Variants in ITPKB observed in about 807,000 individuals in gnomAD.
ITPKB encodes the protein IP3 3-kinase B.
In ITPKB, 13 loss-of-function variants were observed where a neutral mutation model predicts 69.4. The ratio of observed to expected loss-of-function variants is 0.19; its 90% CI spans 0.12 to 0.30. The LOEUF (loss-of-function observed/expected upper bound fraction) is 0.30, where lower values mean the gene tolerates loss of function less well. Ranked by LOEUF, ITPKB falls within the 10% of genes least tolerant of loss-of-function variation. The probability of loss-of-function intolerance (pLI) is 1.00; values close to 1 mark genes in which losing one functional copy is unlikely to be tolerated. For missense variants in ITPKB, 1,240 were observed against 1,250.5 expected, an observed-to-expected ratio of 0.99 and a Z score of 0.13; for synonymous variants, 584 against 513.7, an observed-to-expected ratio of 1.14 and a Z score of -1.85.
intron 2 of ITPKB, among the ~76,000 whole-genome samples, chr1:226,732,767 G>T (rs982621171): frequency 9.9e-5 from 15 of 152,272 alleles, no homozygotes; most frequent in African/African-American, 3.4e-4. Flanking sequence ...TCCTTGCTCA[G>T]TGCAATTTGA....
At chr1:226,674,888 C>T (rs1192288990) in intron 2 of ITPKB, 2 of 152,242 alleles carry the variant, frequency 1.3e-5, no homozygotes, top group Non-Finnish European at 2.9e-5. Flanking sequence ...TGTTTACCCA[C>T]AAGCGTTCAG....
At position 226,711,903 on chromosome 1, in the gene ITPKB, C is replaced by A. The variant is rs186639513; in HGVS notation, c.1932+23624G>T. On this transcript the variant is annotated intron_variant, in intron 2 of 7. Transcript: ENST00000429204. ...TCCCCAGCTCAGCTAGTGGGAAGCT[C>A]ACTAGGGTGAGGTTGGGCATTTGCC... is the stretch of plus-strand genomic sequence containing the variant. Among the ~76,000 whole-genome samples, 10 of 152,276 alleles carry A rather than the reference C, an allele frequency of 6.6e-5. No homozygotes were observed. In the East Asian group the frequency reaches 1.7e-3, roughly 26 times the overall value.
chr1:226,657,569 C>T (rs17588687), intron 2 of ITPKB, among the ~76,000 whole-genome samples: 11 of 152,084 alleles, frequency 7.2e-5, no homozygotes, highest in Non-Finnish European at 1.0e-4. Context: ...TCTAACACTC[C>T]GAAAACGGTA....
At chr1:226,670,175 C>CAAA (rs35767912) in intron 2 of ITPKB, among the ~76,000 whole-genome samples, 461 of 31,950 alleles carry the variant, frequency 0.014, 46 homozygotes, top group East Asian at 0.069. Context: ...AGCTCCGCCG[C>CAAA]AAAAAAAAAA....
chr1:226,725,802 A>G (rs116632114), intron 2 of ITPKB, among the ~76,000 whole-genome samples: 3,730 of 152,262 alleles, frequency 0.024, 152 homozygotes, highest in African/African-American at 0.083. Context: ...GCAAGAGGAG[A>G]CGATGCTGCG....
At chr1:226,683,230 G>C (rs1012444750) in intron 2 of ITPKB, among the ~76,000 whole-genome samples, 1 of 152,202 alleles carries the variant, frequency 6.6e-6, no homozygotes, top group Non-Finnish European at 1.5e-5. Flanking sequence ...CTCCCCCTTC[G>C]TGCTTTGAGC....
At position 226,679,454 on chromosome 1, in the gene ITPKB, G is replaced by A. The variant is rs528911344; in HGVS notation, c.1933-30683C>T. Among the ~76,000 whole-genome samples, 3 of 152,298 alleles carry A rather than the reference G, an allele frequency of 2.0e-5. No homozygotes were observed. The South Asian group carries it at 6.2e-4, about 32-fold the overall frequency. ...AGAAAGTTGTGTCACTTCTGTCTCA[G>A]TCCAGAAAGTGGAAAGATTAACCAC... On this transcript the variant is annotated intron_variant, in intron 2 of 7. Coordinates refer to ENST00000429204, the MANE Select transcript of ITPKB (RefSeq NM_002221.4).
intron 2 of ITPKB, among the ~76,000 whole-genome samples, chr1:226,677,614 T>C (rs59886785): frequency 0.19 from 28,460 of 152,212 alleles, 2,685 homozygotes; most frequent in Middle Eastern, 0.33. Context: ...ACAGCACTGC[T>C]TCTGCCGGAT....
chr1:226,713,140 C>T (rs531927869), intron 2 of ITPKB, among the ~76,000 whole-genome samples: 1 of 152,260 alleles, frequency 6.6e-6, no homozygotes, highest in South Asian at 2.1e-4. Flanking sequence ...ACTCATGCTC[C>T]GCTAAGACAC....
rs58320585 is a variant in ITPKB, at chr1:226,700,465, C to CAAAAAA, written c.1932+35056_1932+35061dup. Among the ~76,000 whole-genome samples the CAAAAAA allele has an allele frequency of 6.3e-4, 34 of 53,960 alleles. 4 individuals are homozygous for CAAAAAA. The highest frequency in any genetic ancestry group is 2.8e-3 in the African/African-American group (33 of 11,672). 35.4% of individuals were successfully genotyped at this position (53,960 alleles called of 152,430 possible). A position where few individuals can be genotyped will look rare whatever the true frequency, so the allele number is the denominator to read the frequency against. ...GCCTGGCAACGGAGCAAGACTCCGT[C>CAAAAAA]AAAAAAAAAAAAAAAAAAAAAAAAA... On this transcript the variant is annotated intron_variant, in intron 2 of 7. Transcript: ENST00000429204.
intron 2 of ITPKB, among the ~76,000 whole-genome samples, chr1:226,704,845 T>G (rs1162875148): frequency 2.0e-5 from 3 of 152,240 alleles, no homozygotes; most frequent in Non-Finnish European, 4.4e-5. Flanking sequence ...CTGGAATGAC[T>G]TTTCTTAAAG....
rs1466935899 is a variant in ITPKB, at chr1:226,738,169, G to A, written c.-205-506C>T. ...GCATCAGAGACCGACCGGCTCGGAGGGAACCTAAGCGGGACCTGCCTTGCC... is the reference window on the plus strand; with the variant it reads ...GCATCAGAGACCGACCGGCTCGGAGAGAACCTAAGCGGGACCTGCCTTGCC... On this transcript the variant is annotated intron_variant, in intron 1 of 7. Coordinates refer to ENST00000429204, the MANE Select transcript of ITPKB (RefSeq NM_002221.4). The surrounding 1 kb of genome is among the most constrained non-coding windows in gnomAD (Gnocchi z 4.2). Among the ~76,000 whole-genome samples, 4 of 152,132 alleles carry A rather than the reference G, an allele frequency of 2.6e-5. No individual in the cohort carries two copies. The highest frequency in any genetic ancestry group is 5.9e-5 in the Non-Finnish European group (4 of 67,998).
At chr1:226,700,493 A>AC in intron 2 of ITPKB, among the ~76,000 whole-genome samples, 1 of 150,302 alleles carries the variant, frequency 6.7e-6, no homozygotes, top group African/African-American at 2.4e-5. Flanking sequence ...AAAAAAAAAA[A>AC]AAACCCAGAA....
chr1:226,704,771 C>G (rs1656761555), intron 2 of ITPKB, among the ~76,000 whole-genome samples: 2 of 152,236 alleles, frequency 1.3e-5, no homozygotes, highest in South Asian at 4.1e-4. Flanking sequence ...AGGCTTTTAT[C>G]TCTACCGATG....
intron 2 of ITPKB, chr1:226,707,869 A>AC (rs780377655): frequency 5.3e-4 from 690 of 1,300,008 alleles, no homozygotes; most frequent in Non-Finnish European, 6.6e-4. Flanking sequence ...TTGGTATTGG[A>AC]CGTTGCCCCA....
intron 2 of ITPKB, among the ~76,000 whole-genome samples, chr1:226,694,668 G>C (rs75864028): frequency 6.6e-6 from 1 of 152,154 alleles, no homozygotes; most frequent in Non-Finnish European, 1.5e-5. Context: ...TTTTGAACTG[G>C]GTAATTCTCT....
intron 2 of ITPKB, among the ~76,000 whole-genome samples, chr1:226,665,805 G>A (rs1669489380): frequency 6.6e-6 from 1 of 152,220 alleles, no homozygotes. Context: ...TAGAACCCGG[G>A]ATGGTTGGCG....
chr1:226,636,576 G>C (rs969219816), intron 7 of ITPKB, among the ~76,000 whole-genome samples: 1 of 152,210 alleles, frequency 6.6e-6, no homozygotes, highest in African/African-American at 2.4e-5. Context: ...CTTCTCTGTG[G>C]GCATAGGCTG....
intron 2 of ITPKB, among the ~76,000 whole-genome samples, chr1:226,676,655 T>C (rs1439568928): frequency 6.6e-6 from 1 of 152,254 alleles, no homozygotes; most frequent in African/African-American, 2.4e-5. Flanking sequence ...TGAGGTATTG[T>C]TATCTAGCAA....
Sources: gnomAD v4.1 joint callset for allele counts (sites outside exome capture counted in the v4.1 genomes callset) on GRCh38, gnomAD v4.1.1 for gene constraint, Gnocchi (gnomAD v3.1) non-coding constraint, MANE v1.5 for transcripts, NCBI Gene and HGNC (gene_info 2026-07-23, HGNC 2026-07-21) for gene names.